The following CCNE2 variants were observed in gnomAD, a reference collection of about 807,000 sequenced individuals.
The protein encoded by CCNE2 is G1/S-specific cyclin-E2.
A neutral mutation model predicts 56.8 loss-of-function variants in CCNE2; 18 were observed. The observed-to-expected ratio is 0.32, with a 90% CI of 0.22 to 0.47. CCNE2 has a LOEUF of 0.47. CCNE2 is among the 20% of genes least tolerant of loss of function. The pLI is 1.00. For synonymous variants in CCNE2, 139 were observed against 149.2 expected (o/e 0.93, Z 0.50); for missense variants, 371 against 467.1 (o/e 0.79, Z 1.90).
chr8:94,888,541 GT>G (rs1393623284), intron 6 of CCNE2, among the ~76,000 whole-genome samples: 72 of 144,062 alleles, frequency 5.0e-4, no homozygotes, highest in Admixed American at 7.0e-4. Context: ...ATATACCAGA[GT>G]TTTTTTTTTT....
intron 9 of CCNE2, chr8:94,883,806 G>C: frequency 2.3e-6 from 1 of 438,280 alleles, no homozygotes. Context: ...GCAGTGGAAT[G>C]GTATAGTGTA....
Position 94,880,883 on chromosome 8 carries a change from A to G in CCNE2, c.*749T>C, listed in dbSNP as rs1052214175. On this transcript the variant is annotated 3_prime_UTR_variant, in exon 12 of 12. Coordinates refer to ENST00000308108, the MANE Select transcript of CCNE2 (RefSeq NM_057749.3). ...GTGATATACAAAAAGGTTATTACCA[A>G]GCAACCTACATGTCAAGAAAGCCCC... is the stretch of plus-strand genomic sequence containing the variant. The G allele has an allele frequency of 5.0e-6, 2 of 398,698 alleles. No individual in the cohort carries two copies. The highest frequency in any genetic ancestry group is 3.6e-5 in the East Asian group (1 of 28,018). 24.7% of individuals were successfully genotyped at this position (398,698 alleles called of 1,614,324 possible). A position where few individuals can be genotyped will look rare whatever the true frequency, so the allele number is the denominator to read the frequency against.
chr8:94,889,586 A>G (rs1817157051), intron 6 of CCNE2, among the ~76,000 whole-genome samples: 1 of 152,188 alleles, frequency 6.6e-6, no homozygotes, highest in African/African-American at 2.4e-5. Context: ...AAAGGATAAC[A>G]TTTTAGTCTT....
Position 94,888,016 on chromosome 8 carries a change from CA to C in CCNE2, c.510del (p.Phe170LeufsTer6). 1 of 1,596,156 alleles carries C rather than the reference CA, an allele frequency of 6.3e-7. No individual in the cohort carries two copies. Among genetic ancestry groups the C allele is most frequent in the African/African-American group, 1.3e-5 (1 of 74,198 alleles). ...TCCTTTTGTGTCAACATAAATCTAT[CA>C]AAAAAGTCTTGTGCAAGATAAAATG... is the stretch of plus-strand genomic sequence containing the variant. ...RETFYLAQDF[F>X]DRFMLTQKDI... On this transcript the variant is annotated frameshift_variant, in exon 7 of 12. Coordinates refer to ENST00000308108, the MANE Select transcript of CCNE2 (RefSeq NM_057749.3). LOFTEE classifies it high-confidence loss of function.
chr8:94,885,522 C>T lies in CCNE2; in HGVS notation c.637G>A (p.Val213Ile), dbSNP rs535199145. ...TCTTCACTGCAAGCACCATCAGTGA[C>T]GTAAGCAAACTCTTGGAGTTTAGGA... Reference protein sequence around the residue: ...YAPKLQEFAYVTDGACSEEDI... With the variant: ...YAPKLQEFAYITDGACSEEDI... Residue 213 changes from valine (V) to isoleucine (I), a missense_variant, in exon 8 of 12, where the codon GTC becomes ATC. Val to Ile is a conservative substitution (Grantham distance 29). Coordinates refer to ENST00000308108, the MANE Select transcript of CCNE2 (RefSeq NM_057749.3). 33 of 1,608,504 alleles carry T rather than the reference C, an allele frequency of 2.1e-5. No homozygotes were observed. The highest frequency in any genetic ancestry group is 2.7e-5 in the African/African-American group (2 of 74,832).
chr8:94,896,359 G>A (rs1021478834), upstream of CCNE2: 15 of 148,562 alleles, frequency 1.0e-4, no homozygotes, highest in African/African-American at 3.7e-4. Context: ...GTTGGGAGGA[G>A]GGGGGCCCGA....
Position 94,881,400 on chromosome 8 carries a change from T to TGAA in CCNE2, c.*229_*231dup. 1.9e-6 allele frequency: 1 copy of TGAA among 530,040 alleles called. No homozygotes were observed. The highest frequency in any genetic ancestry group is 3.3e-6 in the Non-Finnish European group (1 of 301,800). 32.8% of individuals were successfully genotyped at this position (530,040 alleles called of 1,614,324 possible). On this transcript the variant is annotated 3_prime_UTR_variant, in exon 12 of 12. Coordinates refer to ENST00000308108, the MANE Select transcript of CCNE2 (RefSeq NM_057749.3). ...GGCTTCTATCCAGTAACCTTGGGAA[T>TGAA]GAAGACATCTTTGTAAACAAGTCCT...
intron 5 of CCNE2, chr8:94,891,649 CCT>C: frequency 6.3e-6 from 3 of 479,874 alleles, no homozygotes; most frequent in South Asian, 6.2e-5. Flanking sequence ...CAACAGCAAA[CCT>C]CTGTCTCCAA....
chr8:94,894,832 G>T (rs995884937), intron 1 of CCNE2, among the ~76,000 whole-genome samples: 5 of 152,220 alleles, frequency 3.3e-5, no homozygotes, highest in African/African-American at 1.2e-4. Context: ...AGGGCGTGGG[G>T]GAGGGCAGGA....
chr8:94,887,657 C>T lies in CCNE2; in HGVS notation c.600+270G>A, dbSNP rs554100851. 2.6e-5 allele frequency among the ~76,000 whole-genome samples: 4 copies of T among 152,210 alleles called. No homozygotes were observed. The East Asian group carries it at 7.7e-4, about 29-fold the overall frequency. ...ATATAAATAGAGCATCAATATGTTT[C>T]GTTTGGCAGAATGAGCCATGGGACA... On this transcript the variant is annotated intron_variant, in intron 7 of 11. Coordinates refer to ENST00000308108, the MANE Select transcript of CCNE2 (RefSeq NM_057749.3).
chr8:94,889,197 A>G (rs920110874), intron 6 of CCNE2, among the ~76,000 whole-genome samples: 2 of 152,062 alleles, frequency 1.3e-5, no homozygotes, highest in African/African-American at 4.8e-5. Flanking sequence ...TTTTGCATCT[A>G]TTGAGATCTT....
chr8:94,885,945 C>T (rs1168477344), intron 7 of CCNE2, among the ~76,000 whole-genome samples: 1 of 152,036 alleles, frequency 6.6e-6, no homozygotes, highest in East Asian at 1.9e-4. Flanking sequence ...TCTCAAACTC[C>T]TGACTGCAAA....
intron 1 of CCNE2, 158 bp from the exon 2 acceptor site, chr8:94,894,405 G>A: frequency 1.5e-6 from 1 of 661,162 alleles, no homozygotes; most frequent in Non-Finnish European, 2.6e-6. Context: ...GCTAGCTCAT[G>A]GTAATTCATT....
chr8:94,894,093 GGCT>G lies in CCNE2; in HGVS notation c.38_40del (p.Gln13del), dbSNP rs1485582162. The stretch of plus-strand genomic sequence containing the variant: ...GGGGGATTCCGTCTGGCTGGGCTGG[GGCT>G]GCTGCTTAGCTTGTAAACGGCTACT... On this transcript the variant is annotated inframe_deletion, in exon 3 of 12. Transcript: ENST00000308108. The G allele has an allele frequency of 2.0e-5, 33 of 1,613,560 alleles. No individual in the cohort carries two copies. Among genetic ancestry groups the G allele is most frequent in the Non-Finnish European group, 2.5e-5 (29 of 1,179,736 alleles).
chr8:94,881,581 C>G lies in CCNE2; in HGVS notation c.*51G>C, dbSNP rs1250747129. The G allele has an allele frequency of 6.3e-7, 1 of 1,586,778 alleles. No homozygotes were observed. Among genetic ancestry groups the G allele is most frequent in the South Asian group, 1.1e-5 (1 of 88,964 alleles). On this transcript the variant is annotated 3_prime_UTR_variant, in exon 12 of 12. Coordinates refer to ENST00000308108, the MANE Select transcript of CCNE2 (RefSeq NM_057749.3). ...TAAAACTTTAGTAGTTCAGTGATAC[C>G]AGTTCTACCCAATCTTGGTGAATTC... is the stretch of plus-strand genomic sequence containing the variant.
intron 7 of CCNE2, 51 bp downstream of exon 7, chr8:94,887,875 TA>T (rs984454289): frequency 1.1e-4 from 139 of 1,299,374 alleles, no homozygotes; most frequent in Non-Finnish European, 1.2e-4. Context: ...TATGTTGATT[TA>T]AAAAAAAGTT....
rs1817445231 is a variant in CCNE2, at chr8:94,895,193, G to T, written c.-43C>A. 1.0e-6 allele frequency: 1 copy of T among 985,816 alleles called. No homozygotes were observed. The highest frequency in any genetic ancestry group is 1.2e-6 in the Non-Finnish European group (1 of 830,330). The allele number at this position is 985,816 out of a possible 1,614,324, so 61.1% of individuals were successfully genotyped here. A position where few individuals can be genotyped will look rare whatever the true frequency, so the allele number is the denominator to read the frequency against. ...ACTCCTCACCGCCAGACCAGCTACC[G>T]CTCGGCTCAGCTGGCGCCGGCGCCA... On this transcript the variant is annotated 5_prime_UTR_variant, in exon 1 of 12. Coordinates refer to ENST00000308108, the MANE Select transcript of CCNE2 (RefSeq NM_057749.3).
chr8:94,891,977 C>T, intron 5 of CCNE2: 1 of 941,378 alleles, frequency 1.1e-6, no homozygotes, highest in Non-Finnish European at 1.7e-6. Flanking sequence ...CACGTGATCT[C>T]TCCCTGCCAC....
intron 7 of CCNE2, 81 bp downstream of exon 7, chr8:94,887,846 T>C: frequency 1.1e-6 from 1 of 909,064 alleles, no homozygotes; most frequent in Admixed American, 2.8e-5. Flanking sequence ...ATATAAAACA[T>C]AGTATTCTTT....
Sources: gnomAD v4.1 joint callset for allele counts (sites outside exome capture counted in the v4.1 genomes callset) on GRCh38, gnomAD v4.1.1 for gene constraint, MANE v1.5 for transcripts, NCBI Gene and HGNC (gene_info 2026-07-23, HGNC 2026-07-21) for gene names.